Variants in AMZ1 observed in about 807,000 individuals in gnomAD.
The protein encoded by AMZ1 is archaemetzincin-1.
AMZ1 carries 39 observed loss-of-function variants against 29.9 expected under a neutral mutation model. The observed-to-expected ratio is 1.30, with a 90% CI of 1.01 to 1.70. The LOEUF (loss-of-function observed/expected upper bound fraction) is 1.70, where lower values mean the gene tolerates loss of function less well. Ranked by LOEUF, AMZ1 falls within the 40% of genes most tolerant of loss-of-function variation. The probability of loss-of-function intolerance (pLI) is 0.00; values close to 1 mark genes in which losing one functional copy is unlikely to be tolerated. For missense variants in AMZ1, 1,041 were observed against 680.6 expected (o/e 1.53, Z -5.89); for synonymous variants, 458 against 304.0 (o/e 1.51, Z -5.27).
intron 4 of AMZ1, chr7:2,730,231 C>T (rs947708557): frequency 6.6e-6 from 1 of 152,394 alleles, no homozygotes; most frequent in Non-Finnish European, 1.5e-5. Context: ...AAGAAGGAAA[C>T]GCTATGTGCT....
intron 4 of AMZ1, among the ~76,000 whole-genome samples, chr7:2,736,522 C>T (rs1790185361): frequency 6.6e-6 from 1 of 152,154 alleles, no homozygotes; most frequent in Non-Finnish European, 1.5e-5. Context: ...GGGCTGGTGG[C>T]AGTGAAAGAG....
At chr7:2,702,919 C>A in intron 3 of AMZ1, 30 bp downstream of exon 3, 1 of 1,553,414 alleles carries the variant, frequency 6.4e-7, no homozygotes, top group Non-Finnish European at 8.6e-7. Context: ...GCCGCTCAGG[C>A]CAAGGCAGGC....
chr7:2,696,085 G>A (rs1787705986), intron 1 of AMZ1, among the ~76,000 whole-genome samples: 1 of 150,226 alleles, frequency 6.7e-6, no homozygotes, highest in Non-Finnish European at 1.5e-5. Flanking sequence ...AACCCCCCTC[G>A]CCCCGCCCCC....
chr7:2,707,501 G>A (rs559908094), intron 3 of AMZ1, among the ~76,000 whole-genome samples: 5 of 151,782 alleles, frequency 3.3e-5, no homozygotes, highest in African/African-American at 1.2e-4. Context: ...TGATGCCATC[G>A]TGCCCAGGTT....
At chr7:2,739,863 G>A (rs1583216513) in intron 4 of AMZ1, among the ~76,000 whole-genome samples, 1 of 152,054 alleles carries the variant, frequency 6.6e-6, no homozygotes, top group African/African-American at 2.4e-5. Context: ...GTAGAGACGG[G>A]GGTTTCACCG....
In AMZ1 at chr7:2,713,712, A is replaced by T. The variant is rs798564; in HGVS notation, c.*834A>T. The T allele has an allele frequency of 3.2e-3, 490 of 152,654 alleles. 1 individual carries two copies. Among genetic ancestry groups the T allele is most frequent in the Non-Finnish European group, 5.6e-3 (379 of 68,182 alleles). The allele number at this position is 152,654 out of a possible 1,614,324, so 9.5% of individuals were successfully genotyped here. Reference sequence around the variant, plus strand: ...CTGACGGACTTCACCGGGGCTCTCCAGGCATCTCTTCTGACAAACACTGCA... The same window carrying T: ...CTGACGGACTTCACCGGGGCTCTCCTGGCATCTCTTCTGACAAACACTGCA... On this transcript the variant is annotated 3_prime_UTR_variant, in exon 7 of 7. Transcript: ENST00000683327.
intron 2 of AMZ1, among the ~76,000 whole-genome samples, chr7:2,701,088 G>A (rs925257034): frequency 2.6e-5 from 4 of 152,184 alleles, no homozygotes; most frequent in African/African-American, 7.2e-5. Flanking sequence ...AGATCACGCC[G>A]GGTGTGGTGG....
intron 4 of AMZ1, among the ~76,000 whole-genome samples, chr7:2,741,242 C>A (rs1326669539): frequency 2.0e-5 from 3 of 152,148 alleles, no homozygotes; most frequent in Admixed American, 2.0e-4. Flanking sequence ...GTGGTCTCAG[C>A]TACCTGGGAG....
At chr7:2,763,853 T>A (rs1791689748), upstream of AMZ1, among the ~76,000 whole-genome samples, 1 of 152,208 alleles carries the variant, frequency 6.6e-6, no homozygotes, top group Non-Finnish European at 1.5e-5. Context: ...GTGGCCTCCA[T>A]GGCTGGCAGA....
chr7:2,745,103 T>G (rs1790702081), intron 4 of AMZ1, among the ~76,000 whole-genome samples: 1 of 152,174 alleles, frequency 6.6e-6, no homozygotes, highest in Non-Finnish European at 1.5e-5. Flanking sequence ...CTGCAGGATA[T>G]TATCCAGGAA....
In AMZ1 at chr7:2,700,199, G is replaced by A. The variant is rs983123196; in HGVS notation, c.-218-35G>A. On this transcript the variant is annotated intron_variant, in intron 1 of 6. Coordinates refer to ENST00000683327, the MANE Select transcript of AMZ1 (RefSeq NM_001384743.1). ...CTGGGACATCGGGCCCTGTGTGCTCGGCAGTGAGGGGACCCCTGTTCGTGT... is the reference window on the plus strand; with the variant it reads ...CTGGGACATCGGGCCCTGTGTGCTCAGCAGTGAGGGGACCCCTGTTCGTGT... 16 of 540,738 alleles carry A rather than the reference G, an allele frequency of 3.0e-5. No homozygotes were observed. In the Middle Eastern group the frequency reaches 2.0e-3, roughly 66 times the overall value. The allele number at this position is 540,738 out of a possible 1,614,324, so 33.5% of individuals were successfully genotyped here. A position where few individuals can be genotyped will look rare whatever the true frequency, so the allele number is the denominator to read the frequency against.
upstream of AMZ1, chr7:2,762,939 C>A (rs1791636763): frequency 1.4e-6 from 2 of 1,380,916 alleles, no homozygotes; most frequent in East Asian, 5.8e-5. Context: ...CCCAGACACT[C>A]CCGTGGGGCC....
chr7:2,696,312 A>C (rs1270860473), intron 1 of AMZ1, among the ~76,000 whole-genome samples: 4 of 141,336 alleles, frequency 2.8e-5, no homozygotes, highest in Non-Finnish European at 6.0e-5. Context: ...GCTGGAGTGC[A>C]GTGGTGCGAT....
intron 4 of AMZ1, among the ~76,000 whole-genome samples, chr7:2,739,149 G>A (rs1319769137): frequency 1.3e-5 from 2 of 152,204 alleles, no homozygotes; most frequent in African/African-American, 4.8e-5. Context: ...CCTTGCCTGG[G>A]TTCTTCCTTT....
chr7:2,725,011 CCTCACCG>C (rs1449836239), intron 4 of AMZ1, among the ~76,000 whole-genome samples: 2 of 152,188 alleles, frequency 1.3e-5, no homozygotes, highest in Admixed American at 1.3e-4. Context: ...ACTTCCTACC[CCTCACCG>C]CACACAAACA....
Position 2,713,652 on chromosome 7 carries a change from C to G in AMZ1, c.*774C>G, listed in dbSNP as rs553051736. 1 of 152,602 alleles carries G rather than the reference C, an allele frequency of 6.6e-6. No homozygotes were observed. The highest frequency in any genetic ancestry group is 2.1e-4 in the South Asian group (1 of 4,830). 9.5% of individuals were successfully genotyped at this position (152,602 alleles called of 1,614,324 possible). A position where few individuals can be genotyped will look rare whatever the true frequency, so the allele number is the denominator to read the frequency against. The stretch of plus-strand genomic sequence containing the variant: ...GGCGTCAACCACATGCACACACACA[C>G]TGTCACGTTCTGTGGCGCTAACAGC... On this transcript the variant is annotated 3_prime_UTR_variant, in exon 7 of 7. Transcript: ENST00000683327.
intron 4 of AMZ1, among the ~76,000 whole-genome samples, chr7:2,749,668 A>G (rs1459629530): frequency 6.6e-6 from 1 of 152,172 alleles, no homozygotes; most frequent in Non-Finnish European, 1.5e-5. Context: ...TAATAATAAT[A>G]AAATAAAAAA....
intron 4 of AMZ1, among the ~76,000 whole-genome samples, chr7:2,755,004 G>C (rs1009490674): frequency 1.3e-5 from 2 of 152,174 alleles, no homozygotes; most frequent in Non-Finnish European, 2.9e-5. Flanking sequence ...CTTCCCTACA[G>C]AGACAGTCCA....
chr7:2,734,904 G>A lies in AMZ1; in HGVS notation n.550+25088G>A, dbSNP rs180892394. ...TAGGGAAGGCATCGGGAGTGCCAGG[G>A]TGAACGTACCCCAAGGGCCCGGCAC... On this transcript the variant is annotated intron_variant and non_coding_transcript_variant, in intron 4 of 4. Transcript: ENST00000489665. Among the ~76,000 whole-genome samples the A allele has an allele frequency of 5.4e-4, 83 of 152,308 alleles. 1 individual carries two copies. The highest frequency in any genetic ancestry group is 1.9e-3 in the African/African-American group (79 of 41,578).
Sources: gnomAD v4.1 joint callset for allele counts (sites outside exome capture counted in the v4.1 genomes callset) on GRCh38, gnomAD v4.1.1 for gene constraint, MANE v1.5 for transcripts, NCBI Gene and HGNC (gene_info 2026-07-23, HGNC 2026-07-21) for gene names.